The following XRCC4 variants were observed in gnomAD, a reference collection of about 807,000 sequenced individuals.
The protein encoded by XRCC4 is X-ray repair cross complementing 4.
In XRCC4, 28 loss-of-function variants were observed where a neutral mutation model predicts 39.1. The observed-to-expected ratio is 0.72, with a 90% CI of 0.53 to 0.98. XRCC4 has a LOEUF of 0.98. XRCC4 is among the 50% of genes least tolerant of loss of function. XRCC4 has a pLI of 0.00. For missense variants in XRCC4, 350 were observed against 376.4 expected (o/e 0.93, Z 0.58); for synonymous variants, 123 against 126.4 (o/e 0.97, Z 0.18).
the XRCC4 span, among the ~76,000 whole-genome samples, chr5:83,366,027 G>C: frequency 6.6e-6 from 1 of 152,094 alleles, no homozygotes; most frequent in Non-Finnish European, 1.5e-5. Context: ...GTAACCACTG[G>C]TGATATACCT....
At chr5:83,357,944 AT>A (rs1430052237), downstream of XRCC4, among the ~76,000 whole-genome samples, 1 of 152,204 alleles carries the variant, frequency 6.6e-6, no homozygotes, top group Non-Finnish European at 1.5e-5. Flanking sequence ...GGCCTCACGA[AT>A]TTACTTATAA....
At chr5:83,197,990 C>T (rs557007988) in intron 4 of XRCC4, among the ~76,000 whole-genome samples, 2 of 152,202 alleles carry the variant, frequency 1.3e-5, no homozygotes, top group Admixed American at 1.3e-4. Flanking sequence ...GGCCAAGCAG[C>T]AGTTTCTTAG....
chr5:83,332,454 A>G (rs1364849936), intron 7 of XRCC4, among the ~76,000 whole-genome samples: 2 of 152,172 alleles, frequency 1.3e-5, no homozygotes, highest in Admixed American at 6.5e-5. Context: ...TGTCAATTTA[A>G]TATTATACAG....
intron 1 of XRCC4, among the ~76,000 whole-genome samples, chr5:83,097,579 A>T (rs553422189): frequency 4.8e-4 from 73 of 151,890 alleles, no homozygotes; most frequent in Non-Finnish European, 8.1e-4. Context: ...AAGACTGTAT[A>T]TAAGCTTAAT....
At chr5:83,107,239 A>G (rs1191863608) in intron 2 of XRCC4, among the ~76,000 whole-genome samples, 2 of 152,032 alleles carry the variant, frequency 1.3e-5, no homozygotes, top group African/African-American at 4.8e-5. Flanking sequence ...ATCAAATAAT[A>G]TAACACTGTG....
At chr5:83,078,531 T>TAA (rs1744785923) in intron 1 of XRCC4, among the ~76,000 whole-genome samples, 3 of 152,248 alleles carry the variant, frequency 2.0e-5, no homozygotes, top group Admixed American at 2.0e-4. Flanking sequence ...GTATTCGGCC[T>TAA]ATGAGACCCT....
intron 7 of XRCC4, chr5:83,258,902 T>C (rs942494393): frequency 2.6e-5 from 13 of 495,332 alleles, no homozygotes; most frequent in Admixed American, 4.1e-5. Flanking sequence ...AATTTTTTTC[T>C]CATGGTTTTT....
At chr5:83,107,699 C>G (rs561297711) in intron 2 of XRCC4, among the ~76,000 whole-genome samples, 23 of 151,976 alleles carry the variant, frequency 1.5e-4, no homozygotes, top group African/African-American at 5.5e-4. Context: ...TCACCCATCT[C>G]TGGAGTAGTT....
At chr5:83,253,844 A>C (rs898087429) in intron 6 of XRCC4, among the ~76,000 whole-genome samples, 2 of 152,162 alleles carry the variant, frequency 1.3e-5, no homozygotes, top group African/African-American at 4.8e-5. Context: ...GAGAGTACCC[A>C]GGGAAGCTAA....
chr5:83,349,482 C>T (rs1184307332), intron 7 of XRCC4, among the ~76,000 whole-genome samples: 1 of 152,200 alleles, frequency 6.6e-6, no homozygotes, highest in Admixed American at 6.5e-5. Flanking sequence ...GCTCAATGAT[C>T]TCCATTCGGG....
chr5:83,255,994 T>C (rs1324913870), intron 6 of XRCC4, among the ~76,000 whole-genome samples: 2 of 152,228 alleles, frequency 1.3e-5, no homozygotes, highest in South Asian at 4.1e-4. Flanking sequence ...TGTATAACAC[T>C]AGTACTTTTA....
chr5:83,147,450 G>A (rs766154471), intron 3 of XRCC4, among the ~76,000 whole-genome samples: 35 of 152,072 alleles, frequency 2.3e-4, no homozygotes, highest in Admixed American at 9.2e-4. Context: ...AATAAGCCAG[G>A]CACTGAAAGA....
the XRCC4 span, among the ~76,000 whole-genome samples, chr5:83,372,746 C>G: frequency 2.0e-5 from 3 of 152,056 alleles, no homozygotes; most frequent in African/African-American, 7.2e-5. Context: ...TGACACAGTC[C>G]TCATACTCAA....
intron 1 of XRCC4, among the ~76,000 whole-genome samples, chr5:83,089,584 T>G (rs938727485): frequency 6.6e-6 from 1 of 152,156 alleles, no homozygotes; most frequent in Non-Finnish European, 1.5e-5. Context: ...CAAAATTGCC[T>G]CCACTTCAGA....
chr5:83,272,026 T>G (rs1210847799), intron 7 of XRCC4, among the ~76,000 whole-genome samples: 2 of 152,218 alleles, frequency 1.3e-5, no homozygotes, highest in Non-Finnish European at 2.9e-5. Flanking sequence ...TTGAAATTTG[T>G]GTAACATGCT....
Position 83,203,606 on chromosome 5 carries a change from G to A in XRCC4, c.537G>A (p.Arg179=), listed in dbSNP as rs1217531558. ...CTTTGGAGACTGATCTTTATAAGCG[G>A]TTTATTCTGGTGTTGAATGAGAAGA... is the stretch of plus-strand genomic sequence containing the variant. ...KEALETDLYK[R]FILVLNEKKT... The change falls in exon 5 of 8, where the codon CGG becomes CGA. Residue 179 remains arginine, a synonymous_variant. Coordinates refer to ENST00000396027, the MANE Select transcript of XRCC4 (RefSeq NM_003401.5). The A allele has an allele frequency of 4.3e-6, 7 of 1,611,218 alleles. No individual in the cohort carries two copies. Among genetic ancestry groups the A allele is most frequent in the Non-Finnish European group, 5.9e-6 (7 of 1,179,030 alleles).
intron 7 of XRCC4, among the ~76,000 whole-genome samples, chr5:83,326,035 C>T (rs1209563871): frequency 6.6e-6 from 1 of 151,670 alleles, no homozygotes; most frequent in East Asian, 1.9e-4. Flanking sequence ...TGTTAGTTGG[C>T]TGCACTTATG....
intron 3 of XRCC4, among the ~76,000 whole-genome samples, chr5:83,141,786 T>C (rs1580281922): frequency 2.0e-5 from 3 of 152,016 alleles, no homozygotes; most frequent in Admixed American, 1.3e-4. Context: ...GTGTTGGACT[T>C]CCCAAAATAT....
chr5:83,279,004 CAA>C (rs529797820), intron 7 of XRCC4, among the ~76,000 whole-genome samples: 2,666 of 60,930 alleles, frequency 0.044, 67 homozygotes, highest in African/African-American at 0.13. Flanking sequence ...CCATCTCTAC[CAA>C]AAAAAAAAAA....
Sources: gnomAD v4.1 joint callset for allele counts (sites outside exome capture counted in the v4.1 genomes callset) on GRCh38, gnomAD v4.1.1 for gene constraint, MANE v1.5 for transcripts, NCBI Gene and HGNC (gene_info 2026-07-23, HGNC 2026-07-21) for gene names.